NRDE2: variants seen among roughly 807,000 people sequenced by gnomAD.
NRDE2 encodes the protein NRDE-2, necessary for RNA interference, domain containing, also known as nuclear exosome regulator NRDE2.
A neutral mutation model predicts 124.2 loss-of-function variants in NRDE2; 76 were observed. That is an observed-to-expected ratio of 0.61 (90% confidence interval 0.51 to 0.74). The LOEUF is 0.74. Among genes scored for constraint, NRDE2 ranks in the 30% least tolerant of loss-of-function variants. NRDE2 has a pLI of 0.00. For synonymous variants in NRDE2, 489 were observed against 528.1 expected, an observed-to-expected ratio of 0.93 and a Z score of 1.01; for missense variants, 1,314 against 1,417.3, an observed-to-expected ratio of 0.93 and a Z score of 1.17.
chr14:90,330,952 A>G (rs555968877), intron 1 of NRDE2, among the ~76,000 whole-genome samples: 5 of 151,484 alleles, frequency 3.3e-5, no homozygotes, highest in Non-Finnish European at 7.4e-5. Context: ...TTTTTTAGAG[A>G]CAAGGTCCCC....
At position 90,290,447 on chromosome 14, in the gene NRDE2, T is replaced by C; in HGVS notation, c.2003A>G (p.Asp668Gly). 6.2e-7 allele frequency: 1 copy of C among 1,614,004 alleles called. No homozygotes were observed. Among genetic ancestry groups the C allele is most frequent in the Non-Finnish European group, 8.5e-7 (1 of 1,180,034 alleles). ...YLAMDENSIF[D>G]NGLYDEKPLT... ...GGGCTTTTCATCATAAAGTCCATTA[T>C]CAAAGATGCTGTTCTCATCCATGGC... The change falls in exon 10 of 14, where the codon GAT (aspartate) becomes GGT (glycine). Residue 668 changes from aspartate to glycine, a missense_variant. Asp to Gly is a moderately conservative substitution (Grantham distance 94). Transcript: ENST00000354366.
chr14:90,313,222 A>G (rs947067255), intron 3 of NRDE2, among the ~76,000 whole-genome samples: 1 of 143,852 alleles, frequency 7.0e-6, no homozygotes, highest in East Asian at 2.1e-4. Flanking sequence ...CGCCTCCCGG[A>G]TTCACGCCAT....
At chr14:90,321,549 T>TAAAAAAAAAAAAA (rs1012195271) in intron 1 of NRDE2, among the ~76,000 whole-genome samples, 1 of 108,786 alleles carries the variant, frequency 9.2e-6, no homozygotes, top group Non-Finnish European at 1.9e-5. Context: ...CCAGCTCTAT[T>TAAAAAAAAAAAAA]AAAAAAAAAA....
At position 90,288,636 on chromosome 14, in the gene NRDE2, GA is replaced by G; in HGVS notation, c.2738del (p.Phe913SerfsTer4). 1 of 1,614,110 alleles carries G rather than the reference GA, an allele frequency of 6.2e-7. No homozygotes were observed. Among genetic ancestry groups the G allele is most frequent in the Non-Finnish European group, 8.5e-7 (1 of 1,180,034 alleles). ...CATCAATCCCTATGGTCAAATACTG[GA>G]AGAGCATGAAGCATTTAGCCAGGCT... is the stretch of plus-strand genomic sequence containing the variant. ...LISLAKCFMLFQYLTIGIDAA... is the reference protein window; with the variant it reads ...LISLAKCFMLXQYLTIGIDAA... On this transcript the variant is annotated frameshift_variant, in exon 11 of 14. Transcript: ENST00000354366. LOFTEE classifies it high-confidence loss of function.
chr14:90,292,958 G>A, intron 8 of NRDE2, 86 bp from the exon 9 acceptor site: 1 of 1,278,958 alleles, frequency 7.8e-7, no homozygotes, highest in Non-Finnish European at 1.1e-6. Flanking sequence ...GGGACTGTTG[G>A]GCACCCGCAA....
At chr14:90,315,554 G>A (rs991176488) in intron 3 of NRDE2, among the ~76,000 whole-genome samples, 3 of 152,056 alleles carry the variant, frequency 2.0e-5, no homozygotes, top group Non-Finnish European at 4.4e-5. Flanking sequence ...CCACCTACAC[G>A]CAAATACCCC....
intron 3 of NRDE2, among the ~76,000 whole-genome samples, chr14:90,316,135 C>A (rs1355959126): frequency 6.6e-6 from 1 of 151,988 alleles, no homozygotes; most frequent in Non-Finnish European, 1.5e-5. Context: ...TTAAGTGCTA[C>A]GTTAATCTTA....
intron 4 of NRDE2, among the ~76,000 whole-genome samples, chr14:90,308,449 C>A (rs367857535): frequency 1.3e-5 from 2 of 152,046 alleles, no homozygotes; most frequent in South Asian, 4.1e-4. Flanking sequence ...TCTAACTTCA[C>A]AAGTCACACA....
chr14:90,306,359 C>T (rs542173237), intron 4 of NRDE2, among the ~76,000 whole-genome samples: 1 of 152,332 alleles, frequency 6.6e-6, no homozygotes, highest in African/African-American at 2.4e-5. Flanking sequence ...CAGCAAATTC[C>T]ACTGTAGGGG....
chr14:90,301,438 C>T, intron 6 of NRDE2, 66 bp from the exon 7 acceptor site: 1 of 1,519,520 alleles, frequency 6.6e-7, no homozygotes, highest in Non-Finnish European at 9.0e-7. Flanking sequence ...AACCTAACTT[C>T]TCAAAACAGG....
chr14:90,303,169 G>A (rs1233423149), intron 5 of NRDE2, 44 bp from the exon 6 acceptor site: 1 of 1,550,010 alleles, frequency 6.5e-7, no homozygotes, highest in East Asian at 2.3e-5. Context: ...ATGGACCTGG[G>A]AGATCCTGAG....
intron 7 of NRDE2, among the ~76,000 whole-genome samples, chr14:90,300,748 C>G (rs935220627): frequency 7.0e-6 from 1 of 143,078 alleles, no homozygotes; most frequent in African/African-American, 2.6e-5. Context: ...ATGCAAGACC[C>G]AAACTAGAAT....
At chr14:90,314,236 A>G (rs146970627) in intron 3 of NRDE2, among the ~76,000 whole-genome samples, 1 of 152,346 alleles carries the variant, frequency 6.6e-6, no homozygotes, top group Non-Finnish European at 1.5e-5. Context: ...ACCCTGAAAC[A>G]GAGTCTCATA....
At chr14:90,294,210 C>T (rs1009563829) in intron 8 of NRDE2, among the ~76,000 whole-genome samples, 2 of 152,014 alleles carry the variant, frequency 1.3e-5, no homozygotes, top group African/African-American at 4.8e-5. Flanking sequence ...ACACAAAACA[C>T]AACTGTTCCC....
At position 90,271,388 on chromosome 14, in the gene NRDE2, T is replaced by G. The variant is rs1403324464; in HGVS notation, c.*6948A>C. 1.3e-5 allele frequency: 2 copies of G among 152,224 alleles called. No homozygotes were observed. The highest frequency in any genetic ancestry group is 4.8e-5 in the African/African-American group (2 of 41,450). The allele number at this position is 152,224 out of a possible 1,614,324, so 9.4% of individuals were successfully genotyped here. The stretch of plus-strand genomic sequence containing the variant: ...ATTTCCTTCATTTCTCTTTCCTTTC[T>G]AAACAGATCAGGCCTAAAACAATAA... On this transcript the variant is annotated 3_prime_UTR_variant, in exon 14 of 14. Transcript: ENST00000354366.
Position 90,288,330 on chromosome 14 carries a change from G to A in NRDE2, c.3045C>T (p.Ser1015=). The A allele has an allele frequency of 6.2e-7, 1 of 1,614,224 alleles. No homozygotes were observed. Among genetic ancestry groups the A allele is most frequent in the Non-Finnish European group, 8.5e-7 (1 of 1,180,036 alleles). ...TTGTGTCAAAAAATCTCCTGGTTTT[G>A]CTGGCACTGTGGGACTTATTCTGAA... ...VQIQNKSHSA[S]KTRRFFDTIT... is the part of the protein sequence containing the mutation. The change falls in exon 11 of 14, where the codon AGC becomes AGT. Residue 1015 remains serine (S), a synonymous_variant. Transcript: ENST00000354366.
rs1402376060 is a variant in NRDE2, at chr14:90,271,348, T to C, written c.*6988A>G. 3 of 152,210 alleles carry C rather than the reference T, an allele frequency of 2.0e-5. No individual in the cohort carries two copies. The highest frequency in any genetic ancestry group is 1.9e-4 in the East Asian group (1 of 5,198). The allele number at this position is 152,210 out of a possible 1,614,324, so 9.4% of individuals were successfully genotyped here. A position where few individuals can be genotyped will look rare whatever the true frequency, so the allele number is the denominator to read the frequency against. On this transcript the variant is annotated 3_prime_UTR_variant, in exon 14 of 14. Coordinates refer to ENST00000354366, the MANE Select transcript of NRDE2 (RefSeq NM_017970.4). Reference sequence around the variant, plus strand: ...TAACCCACATAATATGTTTGTTTGCTGTCCTTCTCTATCTATTTCCTTCAT... The same window carrying C: ...TAACCCACATAATATGTTTGTTTGCCGTCCTTCTCTATCTATTTCCTTCAT...
chr14:90,309,286 T>G (rs1406206647), intron 4 of NRDE2, among the ~76,000 whole-genome samples: 2 of 150,172 alleles, frequency 1.3e-5, no homozygotes, highest in South Asian at 2.1e-4. Flanking sequence ...TGAATAAATT[T>G]GGGCGAATTT....
At chr14:90,284,127 A>C (rs888072565) in intron 12 of NRDE2, among the ~76,000 whole-genome samples, 1 of 152,090 alleles carries the variant, frequency 6.6e-6, no homozygotes, top group African/African-American at 2.4e-5. Flanking sequence ...TCAGGCCTTC[A>C]GTGCCTGGCT....
Sources: allele counts gnomAD v4.1 joint callset (sites outside exome capture counted in the v4.1 genomes callset), GRCh38; gene constraint gnomAD v4.1.1; transcripts MANE v1.5; gene names NCBI Gene and HGNC (gene_info 2026-07-23, HGNC 2026-07-21).